The following PPM1E variants were observed in gnomAD, a reference collection of about 807,000 sequenced individuals.
PPM1E encodes protein phosphatase, Mg2+/Mn2+ dependent 1E.
A neutral mutation model predicts 65.9 loss-of-function variants in PPM1E; 20 were observed. That is an observed-to-expected ratio of 0.30 (90% CI 0.21 to 0.44). The LOEUF (loss-of-function observed/expected upper bound fraction) is 0.44, where lower values mean the gene tolerates loss of function less well. Among genes scored for constraint, PPM1E ranks in the 20% least tolerant of loss-of-function variants. The pLI, the probability that PPM1E is intolerant of heterozygous loss-of-function variation, is 1.00. For synonymous variants in PPM1E, 352 were observed against 374.9 expected, an observed-to-expected ratio of 0.94 and a Z score of 0.70; for missense variants, 713 against 953.1, an observed-to-expected ratio of 0.75 and a Z score of 3.32.
chr17:58,778,995 T>TTTTTTCC (rs2050025636), intron 1 of PPM1E, among the ~76,000 whole-genome samples: 1 of 144,368 alleles, frequency 6.9e-6, no homozygotes, highest in African/African-American at 2.5e-5. Context: ...CCTTCAACAC[T>TTTTTTCC]TTCAAGTGAG....
chr17:58,979,735 AG>A (rs1407942919), intron 6 of PPM1E, among the ~76,000 whole-genome samples: 1 of 152,230 alleles, frequency 6.6e-6, no homozygotes, highest in Non-Finnish European at 1.5e-5. Flanking sequence ...TCAGAGTCTA[AG>A]CTAGGTAAGG....
At chr17:58,860,832 C>T (rs1199222547) in intron 1 of PPM1E, among the ~76,000 whole-genome samples, 1 of 151,928 alleles carries the variant, frequency 6.6e-6, no homozygotes, top group African/African-American at 2.4e-5. Flanking sequence ...CCAGCTACTC[C>T]CAGCTGAGGC....
At chr17:58,971,152 A>T (rs2030589390) in intron 4 of PPM1E, among the ~76,000 whole-genome samples, 1 of 152,132 alleles carries the variant, frequency 6.6e-6, no homozygotes. Context: ...GTTATGAAGC[A>T]GCCCTGCCTC....
chr17:58,972,953 A>C (rs759595325), intron 6 of PPM1E, 28 bp downstream of exon 6: 1 of 1,536,786 alleles, frequency 6.5e-7, no homozygotes, highest in Admixed American at 1.7e-5. Context: ...TTGTTTCTCC[A>C]AACTGTCCTC....
At position 58,759,953 on chromosome 17, in the gene PPM1E, G is replaced by A. The variant is rs1388763358; in HGVS notation, c.464+3492G>A. Among the ~76,000 whole-genome samples the A allele has an allele frequency of 4.6e-5, 7 of 152,030 alleles. No individual in the cohort carries two copies. In the East Asian group the frequency reaches 1.3e-3, roughly 29 times the overall value. ...GTTATATAATACCAATTTTTAAGTTGCACATTTTTTTCTCATTCAAAAATA... is the reference window on the plus strand; with the variant it reads ...GTTATATAATACCAATTTTTAAGTTACACATTTTTTTCTCATTCAAAAATA... On this transcript the variant is annotated intron_variant, in intron 1 of 6. Coordinates refer to ENST00000308249, the MANE Select transcript of PPM1E (RefSeq NM_014906.5).
rs548373049 is a variant in PPM1E at position 58,797,023 on chromosome 17, A to G, written c.464+40562A>G. Among the ~76,000 whole-genome samples, 13 of 152,230 alleles carry G rather than the reference A, an allele frequency of 8.5e-5. No individual in the cohort carries two copies. The East Asian group carries it at 1.7e-3, about 20-fold the overall frequency. ...CTTGGAAGGCTGAAGCAGGAGAATC[A>G]CTGGAACTCGTGAGGCAGAGGTTGC... On this transcript the variant is annotated intron_variant, in intron 1 of 6. Transcript: ENST00000308249.
chr17:58,760,752 C>T (rs2049813830), intron 1 of PPM1E, among the ~76,000 whole-genome samples: 1 of 152,140 alleles, frequency 6.6e-6, no homozygotes, highest in Non-Finnish European at 1.5e-5. Context: ...TATGCAAAAC[C>T]TCACTTCTAA....
rs1046710342 is a variant in PPM1E, at chr17:58,756,472, T to C, written c.464+11T>C. On this transcript the variant is annotated intron_variant, in intron 1 of 6. Transcript: ENST00000308249. ...GCAGCTCTACAAATAGTTAAGTAGC[T>C]GGGCTTGGCTGGTGGTGGGCCCGCG... 7.8e-7 allele frequency: 1 copy of C among 1,275,384 alleles called. No homozygotes were observed. Among genetic ancestry groups the C allele is most frequent in the Non-Finnish European group, 9.9e-7 (1 of 1,008,880 alleles). The allele number at this position is 1,275,384 out of a possible 1,614,324, so 79.0% of individuals were successfully genotyped here. A position where few individuals can be genotyped will look rare whatever the true frequency, so the allele number is the denominator to read the frequency against.
chr17:58,926,201 C>A (rs577851723), intron 1 of PPM1E, among the ~76,000 whole-genome samples: 1 of 151,932 alleles, frequency 6.6e-6, no homozygotes, highest in Admixed American at 6.6e-5. Context: ...ATTAGCTGGG[C>A]GTGGTGGCAC....
chr17:58,775,356 A>T (rs1357537101), intron 1 of PPM1E, among the ~76,000 whole-genome samples: 5 of 152,152 alleles, frequency 3.3e-5, no homozygotes, highest in African/African-American at 1.2e-4. Flanking sequence ...ACAACTGATA[A>T]GTAGCTAGGA....
chr17:58,877,494 A>G (rs941523131), intron 1 of PPM1E, among the ~76,000 whole-genome samples: 2 of 152,224 alleles, frequency 1.3e-5, no homozygotes, highest in Non-Finnish European at 2.9e-5. Context: ...CTCAATTTCT[A>G]AACAAATTAT....
chr17:58,807,664 C>T (rs1251565295), intron 1 of PPM1E, among the ~76,000 whole-genome samples: 1 of 152,000 alleles, frequency 6.6e-6, no homozygotes, highest in East Asian at 1.9e-4. Flanking sequence ...ACTTATAACA[C>T]AAATAACTCA....
At position 58,829,526 on chromosome 17, in the gene PPM1E, A is replaced by C. The variant is rs888621003; in HGVS notation, c.464+73065A>C. ...GGTAATCATTTTTTATAAGGCTTTC[A>C]TCTTGGAACTTTGCATCTGCCTGTT... On this transcript the variant is annotated intron_variant, in intron 1 of 6. Coordinates refer to ENST00000308249, the MANE Select transcript of PPM1E (RefSeq NM_014906.5). Among the ~76,000 whole-genome samples, 11 of 152,168 alleles carry C rather than the reference A, an allele frequency of 7.2e-5. 1 individual carries two copies. The highest frequency in any genetic ancestry group is 7.2e-4 in the Admixed American group (11 of 15,270).
At chr17:58,896,062 C>G (rs2051410322) in intron 1 of PPM1E, among the ~76,000 whole-genome samples, 1 of 149,566 alleles carries the variant, frequency 6.7e-6, no homozygotes, top group African/African-American at 2.5e-5. Context: ...TTGCAGTGAG[C>G]CGAGATCACA....
intron 1 of PPM1E, among the ~76,000 whole-genome samples, chr17:58,764,780 G>C (rs985424388): frequency 5.3e-5 from 8 of 152,004 alleles, no homozygotes; most frequent in Admixed American, 3.9e-4. Flanking sequence ...TTTTTGTAGA[G>C]ATGAGGTTTC....
intron 1 of PPM1E, among the ~76,000 whole-genome samples, chr17:58,833,420 G>A (rs551534949): frequency 6.0e-5 from 9 of 151,044 alleles, no homozygotes; most frequent in South Asian, 2.1e-4. Context: ...TATTGTTGCC[G>A]TTTTTATGTC....
At position 58,890,968 on chromosome 17, in the gene PPM1E, AT is replaced by A. The variant is rs962701837; in HGVS notation, c.465-64672del. Reference sequence around the variant, plus strand: ...ACTAACACACAGTTGAAATTAAATAATTTTTTTTTCTTTTTTTTTGAGACGG... The same window carrying A: ...ACTAACACACAGTTGAAATTAAATAATTTTTTTTCTTTTTTTTTGAGACGG... On this transcript the variant is annotated intron_variant, in intron 1 of 6. Coordinates refer to ENST00000308249, the MANE Select transcript of PPM1E (RefSeq NM_014906.5). Among the ~76,000 whole-genome samples the A allele has an allele frequency of 2.0e-4, 30 of 151,376 alleles. No homozygotes were observed. The East Asian group carries it at 4.1e-3, about 21-fold the overall frequency.
At position 58,904,143 on chromosome 17, in the gene PPM1E, TAATA is replaced by T. The variant is rs746087648; in HGVS notation, c.465-51499_465-51496del. On this transcript the variant is annotated intron_variant, in intron 1 of 6. Coordinates refer to ENST00000308249, the MANE Select transcript of PPM1E (RefSeq NM_014906.5). ...TGTGAATAAATTTATAATTATGACA[TAATA>T]AATAAAAAAGGTACTATGAAAGTAT... is the stretch of plus-strand genomic sequence containing the variant. Among the ~76,000 whole-genome samples, 4 of 152,176 alleles carry T rather than the reference TAATA, an allele frequency of 2.6e-5. No homozygotes were observed. In the South Asian group the frequency reaches 6.2e-4, roughly 24 times the overall value.
At chr17:58,817,801 G>C (rs954405920) in intron 1 of PPM1E, among the ~76,000 whole-genome samples, 1 of 151,034 alleles carries the variant, frequency 6.6e-6, no homozygotes, top group Admixed American at 6.6e-5. Context: ...GCCCAGGCTC[G>C]AGTGCAGTGG....
Sources: gnomAD v4.1 joint callset for allele counts (sites outside exome capture counted in the v4.1 genomes callset) on GRCh38, gnomAD v4.1.1 for gene constraint, MANE v1.5 for transcripts, NCBI Gene and HGNC (gene_info 2026-07-23, HGNC 2026-07-21) for gene names.